Variants in RPGRIP1 observed in about 807,000 individuals in gnomAD.
The protein encoded by RPGRIP1 is X-linked retinitis pigmentosa GTPase regulator-interacting protein 1.
Under a neutral mutation model 157.9 loss-of-function variants are expected in RPGRIP1, and 128 were observed. The observed-to-expected ratio is 0.81, with a 90% CI of 0.70 to 0.94. The LOEUF is 0.94. RPGRIP1 is among the 40% of genes least tolerant of loss of function. The pLI is 0.00. For missense variants in RPGRIP1, 1,486 were observed against 1,545.8 expected (o/e 0.96, Z 0.65); for synonymous variants, 554 against 571.6 (o/e 0.97, Z 0.44).
Position 21,305,332 on chromosome 14 carries a change from T to C in RPGRIP1, c.800+1789T>C, listed in dbSNP as rs541529264. Among the ~76,000 whole-genome samples the C allele has an allele frequency of 1.2e-4, 18 of 152,336 alleles. No individual in the cohort carries two copies. In the East Asian group the frequency reaches 3.5e-3, roughly 29 times the overall value. On this transcript the variant is annotated intron_variant, in intron 6 of 24. Transcript: ENST00000400017. ...ATGTGGCCTTTTCAAATTGGCTTCT[T>C]TCACTTAGTAATATGCATTTAAGCT...
At chr14:21,314,551 C>T (rs1025678794) in intron 10 of RPGRIP1, among the ~76,000 whole-genome samples, 1 of 149,780 alleles carries the variant, frequency 6.7e-6, no homozygotes, top group South Asian at 2.1e-4. Flanking sequence ...CAGGAGTTCA[C>T]GACCAGCCTG....
chr14:21,297,167 C>T (rs1316908218), intron 3 of RPGRIP1, among the ~76,000 whole-genome samples: 1 of 152,002 alleles, frequency 6.6e-6, no homozygotes, highest in Non-Finnish European at 1.5e-5. Context: ...AATCTCGGCT[C>T]ACCGGCAATC....
chr14:21,341,730 G>A (rs1885015758), intron 21 of RPGRIP1, among the ~76,000 whole-genome samples: 1 of 152,128 alleles, frequency 6.6e-6, no homozygotes, highest in South Asian at 2.1e-4. Context: ...AGGACAGGGT[G>A]ATGGCAGCGA....
intron 3 of RPGRIP1, among the ~76,000 whole-genome samples, chr14:21,296,225 C>T (rs374878605): frequency 3.3e-5 from 5 of 152,136 alleles, no homozygotes; most frequent in African/African-American, 1.2e-4. Context: ...CCTCAGCCTC[C>T]CGAGTAGCTG....
At chr14:21,291,333 T>C (rs916118487) in intron 2 of RPGRIP1, among the ~76,000 whole-genome samples, 1 of 152,018 alleles carries the variant, frequency 6.6e-6, no homozygotes, top group Non-Finnish European at 1.5e-5. Flanking sequence ...GTTAGAAGAG[T>C]CATAGTGATA....
chr14:21,319,539 T>G (rs1349315035), intron 11 of RPGRIP1, among the ~76,000 whole-genome samples: 1 of 151,790 alleles, frequency 6.6e-6, no homozygotes, highest in Non-Finnish European at 1.5e-5. Context: ...CCATCCTGAG[T>G]GATGGAGTAA....
Position 21,322,037 on chromosome 14 carries a change from G to T in RPGRIP1, c.1762+33G>T, listed in dbSNP as rs759953976. On this transcript the variant is annotated intron_variant, in intron 14 of 24. Coordinates refer to ENST00000400017, the MANE Select transcript of RPGRIP1 (RefSeq NM_020366.4). ...TTAGTCCTTTGTTCTCCTCACTTCG[G>T]GACCCTTCCACAGCTAACGCCTGTG... The T allele has an allele frequency of 5.8e-6, 9 of 1,556,116 alleles. No homozygotes were observed. The South Asian group carries it at 9.3e-5, about 16-fold the overall frequency.
chr14:21,345,380 C>A (rs902201918), intron 23 of RPGRIP1, among the ~76,000 whole-genome samples, 183 bp downstream of exon 23: 8 of 148,166 alleles, frequency 5.4e-5, no homozygotes, highest in African/African-American at 2.0e-4. Flanking sequence ...ATTACCTAAT[C>A]TTATAGGTTA....
chr14:21,306,568 C>T (rs1246758687), intron 6 of RPGRIP1, among the ~76,000 whole-genome samples: 1 of 151,728 alleles, frequency 6.6e-6, no homozygotes, highest in Non-Finnish European at 1.5e-5. Flanking sequence ...AAGTGATTCT[C>T]CTGCCTCAGC....
At chr14:21,336,734 G>A (rs1295584154) in intron 21 of RPGRIP1, among the ~76,000 whole-genome samples, 1 of 152,170 alleles carries the variant, frequency 6.6e-6, no homozygotes, top group Non-Finnish European at 1.5e-5. Flanking sequence ...TATTGAGTTA[G>A]TGAAAGAGCT....
chr14:21,305,003 C>T (rs1372424602), intron 6 of RPGRIP1, among the ~76,000 whole-genome samples: 1 of 152,086 alleles, frequency 6.6e-6, no homozygotes, highest in African/African-American at 2.4e-5. Flanking sequence ...GGGGTTTCAC[C>T]ATGTTAGCCA....
At position 21,324,801 on chromosome 14, in the gene RPGRIP1, A is replaced by G; in HGVS notation, c.1946A>G (p.Gln649Arg). ...GCCCTAGCTCAGGCTGGAGATACCCAACCTACCACTTTCTGCACCTATTCC... is the reference window on the plus strand; with the variant it reads ...GCCCTAGCTCAGGCTGGAGATACCCGACCTACCACTTTCTGCACCTATTCC... ...SAALAQAGDT[Q>R]PTTFCTYSFY... Residue 649 changes from glutamine to arginine, a missense_variant, in exon 15 of 25, where the codon CAA becomes CGA. Coordinates refer to ENST00000400017, the MANE Select transcript of RPGRIP1 (RefSeq NM_020366.4). 1 of 1,613,994 alleles carries G rather than the reference A, an allele frequency of 6.2e-7. No homozygotes were observed. Among genetic ancestry groups the G allele is most frequent in the Non-Finnish European group, 8.5e-7 (1 of 1,179,884 alleles).
At chr14:21,284,799 G>T (rs1168673112) in intron 1 of RPGRIP1, among the ~76,000 whole-genome samples, 1 of 151,990 alleles carries the variant, frequency 6.6e-6, no homozygotes, top group Non-Finnish European at 1.5e-5. Context: ...TGATTTGCCC[G>T]CCTCAGCCTC....
Position 21,300,732 on chromosome 14 carries a change from T to A in RPGRIP1, c.219-234T>A, listed in dbSNP as rs866966598. ...TTTTTTTTTTTTTTTTTTTTTTTTT[T>A]ACTAAGATAAGGGTGTAATCACTGC... On this transcript the variant is annotated intron_variant, in intron 3 of 24. Coordinates refer to ENST00000400017, the MANE Select transcript of RPGRIP1 (RefSeq NM_020366.4). Among the ~76,000 whole-genome samples the A allele has an allele frequency of 5.9e-4, 86 of 144,612 alleles. No individual in the cohort carries two copies. The Admixed American group carries it at 6.1e-3, about 10-fold the overall frequency. The allele number at this position is 144,612 out of a possible 152,430, so 94.9% of individuals were successfully genotyped here.
rs746727517 is a variant in RPGRIP1 at position 21,304,746 on chromosome 14, A to C, written c.800+1203A>C. ...ATCAGTGAAACTACATTGACACATCATTATCACCTGACCATCATTTAATAG... is the reference window on the plus strand; with the variant it reads ...ATCAGTGAAACTACATTGACACATCCTTATCACCTGACCATCATTTAATAG... On this transcript the variant is annotated intron_variant, in intron 6 of 24. Transcript: ENST00000400017. 2.0e-5 allele frequency among the ~76,000 whole-genome samples: 3 copies of C among 151,866 alleles called. No homozygotes were observed. The Middle Eastern group carries it at 0.01, about 520-fold the overall frequency.
chr14:21,338,195 C>T (rs1467695977), intron 21 of RPGRIP1, among the ~76,000 whole-genome samples: 2 of 152,200 alleles, frequency 1.3e-5, no homozygotes, highest in Non-Finnish European at 2.9e-5. Context: ...GGATTACAGG[C>T]GTGAGCCACC....
chr14:21,287,981 C>T lies in RPGRIP1; in HGVS notation c.5C>T (p.Ser2Leu), dbSNP rs1880358470. 6.2e-7 allele frequency: 1 copy of T among 1,610,628 alleles called. No homozygotes were observed. ...TACAGCTTGGGAACAGAGATCATGT[C>T]ACATCTGGTGGACCCTACATCAGGA... MSHLVDPTSGDL... is the reference protein window; with the variant it reads MLHLVDPTSGDL... The change falls in exon 2 of 25, where the codon TCA (serine) becomes TTA (leucine). Residue 2 changes from serine to leucine, a missense_variant. Transcript: ENST00000400017.
intron 2 of RPGRIP1, among the ~76,000 whole-genome samples, chr14:21,289,083 T>A (rs1303401305): frequency 6.6e-6 from 1 of 151,910 alleles, no homozygotes; most frequent in African/African-American, 2.4e-5. Context: ...ATCCCAGCAT[T>A]TTGGGAGGCC....
chr14:21,307,585 A>G (rs1881370493), intron 6 of RPGRIP1, 146 bp from the exon 7 acceptor site: 1 of 605,890 alleles, frequency 1.7e-6, no homozygotes, highest in South Asian at 2.2e-5. Flanking sequence ...TAGACTGTAC[A>G]TACACCACAT....
Sources: gnomAD v4.1 joint callset for allele counts (sites outside exome capture counted in the v4.1 genomes callset) on GRCh38, gnomAD v4.1.1 for gene constraint, MANE v1.5 for transcripts, NCBI Gene and HGNC (gene_info 2026-07-23, HGNC 2026-07-21) for gene names.